Variants in DNAJC9 observed in about 807,000 individuals in gnomAD.
DNAJC9 encodes the protein dnaJ homolog subfamily C member 9.
DNAJC9 carries 18 observed loss-of-function variants against 32.4 expected under a neutral mutation model. The observed-to-expected ratio is 0.56, with a 90% CI of 0.38 to 0.82. The LOEUF (loss-of-function observed/expected upper bound fraction) is 0.82. DNAJC9 is among the 40% of genes least tolerant of loss of function. The probability of loss-of-function intolerance (pLI) is 0.00; values close to 1 mark genes in which losing one functional copy is unlikely to be tolerated. For missense variants in DNAJC9, 310 were observed against 321.8 expected, an observed-to-expected ratio of 0.96 and a Z score of 0.28; for synonymous variants, 113 against 122.1, an observed-to-expected ratio of 0.93 and a Z score of 0.49.
At position 73,243,471 on chromosome 10, in the gene DNAJC9, T is replaced by C. The variant is rs767031549; in HGVS notation, c.712A>G (p.Met238Val). The change falls in exon 5 of 5, where the codon ATG becomes GTG. Residue 238 changes from methionine (M) to valine (V), a missense_variant. Physicochemically the swap from Met to Val is conservative, Grantham distance 21. Transcript: ENST00000372950. ...GAAGATTTGCAGTACTTTGCTTCCATCTGAGCCAGAAAATTGTCCATTTCC... is the reference window on the plus strand; with the variant it reads ...GAAGATTTGCAGTACTTTGCTTCCACCTGAGCCAGAAAATTGTCCATTTCC... ...QKEMDNFLAQ[M>V]EAKYCKSSKG... The C allele has an allele frequency of 3.1e-6, 5 of 1,614,174 alleles. No individual in the cohort carries two copies. The South Asian group carries it at 4.4e-5, about 14-fold the overall frequency.
chr10:73,235,553 A>G, downstream of DNAJC9: 1 of 875,724 alleles, frequency 1.1e-6, no homozygotes, highest in Non-Finnish European at 1.6e-6. Context: ...TTTAACACTT[A>G]AGATATGTCT....
At position 73,246,821 on chromosome 10, in the gene DNAJC9, C is replaced by T. The variant is rs1332053810; in HGVS notation, c.188G>A (p.Gly63Glu). Residue 63 changes from glycine to glutamate, a missense_variant, in exon 2 of 5, where the codon GGA (glycine) becomes GAA (glutamate). By Grantham distance (98) the Gly-to-Glu change is moderately conservative. Transcript: ENST00000372950. Reference protein sequence around the residue: ...EDATRRFQILGKVYSVLSDRE... With the variant: ...EDATRRFQILEKVYSVLSDRE... ...GTCACTGAGAACGGAATAGACTTTT[C>T]CCAGGATCTGAGGGCAAAGAGTATC... is the stretch of plus-strand genomic sequence containing the variant. 6.2e-7 allele frequency: 1 copy of T among 1,614,044 alleles called. No homozygotes were observed. Among genetic ancestry groups the T allele is most frequent in the African/African-American group, 1.3e-5 (1 of 74,950 alleles).
At chr10:73,237,272 A>C (rs960826463), downstream of DNAJC9, among the ~76,000 whole-genome samples, 2 of 152,204 alleles carry the variant, frequency 1.3e-5, no homozygotes, top group African/African-American at 2.4e-5. Flanking sequence ...AAACAAGAAA[A>C]GGAAACATGA....
downstream of DNAJC9, among the ~76,000 whole-genome samples, chr10:73,240,409 A>T (rs1429226534): frequency 6.6e-6 from 1 of 152,190 alleles, no homozygotes; most frequent in Admixed American, 6.5e-5. Flanking sequence ...AATTTCAGCC[A>T]CATTGAAAGT....
rs1554866544 is a variant in DNAJC9 at position 73,246,743 on chromosome 10, G to C, written c.266C>G (p.Pro89Arg). 1 of 1,613,968 alleles carries C rather than the reference G, an allele frequency of 6.2e-7. No homozygotes were observed. The highest frequency in any genetic ancestry group is 8.5e-7 in the Non-Finnish European group (1 of 1,179,968). ...DEQGTVDEDS[P>R]VLTQDRDWEA... ...CCAGTCTCGGTCTTGGGTGAGCACA[G>C]GAGAGTCCTCGTCCACTGTTCCCTG... The change falls in exon 2 of 5, where the codon CCT (proline) becomes CGT (arginine). Residue 89 changes from proline to arginine, a missense_variant. By Grantham distance (103) the Pro-to-Arg change is moderately radical. Coordinates refer to ENST00000372950, the MANE Select transcript of DNAJC9 (RefSeq NM_015190.5).
downstream of DNAJC9, chr10:73,239,283 T>C: frequency 6.5e-7 from 1 of 1,533,308 alleles, no homozygotes; most frequent in Non-Finnish European, 8.8e-7. Flanking sequence ...AGATGCATCA[T>C]AAGAAGTGTC....
Position 73,247,046 on chromosome 10 carries a change from A to G in DNAJC9, c.144T>C (p.Gly48=), listed in dbSNP as rs35302968. 147,256 of 1,558,402 alleles carry G rather than the reference A, an allele frequency of 0.094. 11,422 individuals are homozygous for G. Among genetic ancestry groups the G allele is most frequent in the African/African-American group, 0.32 (23,926 of 73,722 alleles). ...VSLQVHPDRV[G]EGDKEDATRR... ...GGGTGGCGTCCTCCTTGTCGCCCTCACCCACCCGGTCCGGGTGTACCTGCA... is the reference window on the plus strand; with the variant it reads ...GGGTGGCGTCCTCCTTGTCGCCCTCGCCCACCCGGTCCGGGTGTACCTGCA... The change falls in exon 1 of 5, where the codon GGT becomes GGC. Residue 48 remains glycine, a synonymous_variant. Transcript: ENST00000372950.
rs2044002600 is a variant in DNAJC9 at position 73,245,998 on chromosome 10, A to G, written c.500T>C (p.Ile167Thr). 6.2e-7 allele frequency: 1 copy of G among 1,613,624 alleles called. No individual in the cohort carries two copies. The stretch of plus-strand genomic sequence containing the variant: ...ATAGGATGGGACCTCTCCGGCGTCA[A>G]TAGCTTGCTGAATGATATTCCTTAT... ...PRIRNIIQQAIDAGEVPSYNA... is the reference protein window; with the variant it reads ...PRIRNIIQQATDAGEVPSYNA... The change falls in exon 3 of 5, where the codon ATT becomes ACT. Residue 167 changes from isoleucine to threonine, a missense_variant. Ile to Thr is a moderately conservative substitution (Grantham distance 89). Transcript: ENST00000372950.
At chr10:73,241,043 G>T (rs1192790669), downstream of DNAJC9, 1 of 1,356,142 alleles carries the variant, frequency 7.4e-7, no homozygotes, top group African/African-American at 1.5e-5. Flanking sequence ...AATCTATCAG[G>T]CTGCAGGAAA....
At chr10:73,240,940 T>C (rs11000561), downstream of DNAJC9, 117,542 of 1,502,810 alleles carry the variant, frequency 0.078, 7,457 homozygotes, top group East Asian at 0.29. Flanking sequence ...CTATGTCATC[T>C]GACAGGTCCT....
chr10:73,245,900 T>A (rs1412591057), intron 3 of DNAJC9, 22 bp downstream of exon 3: 2 of 1,604,554 alleles, frequency 1.2e-6, no homozygotes. Flanking sequence ...AAAATATAAA[T>A]CCACAGTATT....
At chr10:73,235,019 G>C (rs972448583), downstream of DNAJC9, 6 of 1,508,772 alleles carry the variant, frequency 4.0e-6, no homozygotes, top group South Asian at 1.3e-5. Flanking sequence ...TCTGTGCCCT[G>C]ATCTTGATTT....
chr10:73,236,606 G>A (rs943898014), downstream of DNAJC9, among the ~76,000 whole-genome samples: 2 of 151,738 alleles, frequency 1.3e-5, no homozygotes, highest in Non-Finnish European at 2.9e-5. Flanking sequence ...TAGAGATGGG[G>A]TTTTGCCATC....
downstream of DNAJC9, among the ~76,000 whole-genome samples, chr10:73,240,020 G>A (rs1167671198): frequency 6.6e-6 from 1 of 152,156 alleles, no homozygotes; most frequent in Admixed American, 6.5e-5. Context: ...GAACTCCGGG[G>A]CTCAAGGGAT....
chr10:73,233,225 A>G (rs2292949), intron 2 of DNAJC9: 98,382 of 1,120,596 alleles, frequency 0.088, 6,592 homozygotes, highest in East Asian at 0.29. Context: ...TACATACAGA[A>G]TTAATTTAAA....
At chr10:73,241,792 T>G (rs1427561279), downstream of DNAJC9, 1 of 152,224 alleles carries the variant, frequency 6.6e-6, no homozygotes, top group African/African-American at 2.4e-5. Flanking sequence ...AAAAATAATT[T>G]GTAGAATCTA....
chr10:73,245,467 AAAG>A (rs1271081064), intron 3 of DNAJC9, among the ~76,000 whole-genome samples: 1 of 151,970 alleles, frequency 6.6e-6, no homozygotes, highest in African/African-American at 2.4e-5. Context: ...AAAAAAAAGA[AAAG>A]AAAAATTCTG....
chr10:73,233,307 T>C, intron 2 of DNAJC9: 1 of 638,446 alleles, frequency 1.6e-6, no homozygotes, highest in East Asian at 2.7e-5. Context: ...TGGGTTTAGA[T>C]CCAACACAAA....
intron 4 of DNAJC9, 94 bp from the exon 5 acceptor site, chr10:73,243,613 C>T: frequency 1.3e-6 from 2 of 1,498,962 alleles, no homozygotes; most frequent in South Asian, 1.2e-5. Context: ...GGAATAACTA[C>T]TAATGGGTAT....
Sources: allele counts gnomAD v4.1 joint callset (sites outside exome capture counted in the v4.1 genomes callset), GRCh38; gene constraint gnomAD v4.1.1; transcripts MANE v1.5; gene names NCBI Gene and HGNC (gene_info 2026-07-23, HGNC 2026-07-21).